The following TYW1 variants were observed in gnomAD, a reference collection of about 807,000 sequenced individuals.
TYW1 encodes the protein tRNA-yW synthesizing protein 1 homolog.
TYW1 carries 46 observed loss-of-function variants against 96.2 expected under a neutral mutation model. The observed-to-expected ratio is 0.48, with a 90% CI of 0.38 to 0.61. TYW1 has a LOEUF of 0.61. Ranked by LOEUF, TYW1 falls within the 20% of genes least tolerant of loss-of-function variation. The pLI is 0.00. For synonymous variants in TYW1, 274 were observed against 323.0 expected (o/e 0.85, Z 1.63); for missense variants, 684 against 909.6 (o/e 0.75, Z 3.19).
intron 13 of TYW1, among the ~76,000 whole-genome samples, chr7:67,164,311 T>TA (rs755638657): frequency 2.0e-4 from 30 of 152,122 alleles, no homozygotes; most frequent in Non-Finnish European, 3.5e-4. Flanking sequence ...CATTGTAACA[T>TA]AAAAATTACC....
chr7:67,111,195 G>A (rs1797395019), intron 12 of TYW1, among the ~76,000 whole-genome samples: 1 of 151,866 alleles, frequency 6.6e-6, no homozygotes, highest in Non-Finnish European at 1.5e-5. Flanking sequence ...CTACAGGAAA[G>A]CATTTTCTTA....
In TYW1 at chr7:66,998,879, T is replaced by C; in HGVS notation, c.198T>C (p.Tyr66=). ...CTCAGGATTTGATGACAAATGGTTATGTCTCCCTTCAAGAGAAAGACATCT... is the reference window on the plus strand; with the variant it reads ...CTCAGGATTTGATGACAAATGGTTACGTCTCCCTTCAAGAGAAAGACATCT... ...KAAQDLMTNG[Y]VSLQEKDIFV... is the part of the protein sequence containing the mutation. Residue 66 remains tyrosine, a synonymous_variant, in exon 3 of 16, where the codon TAT becomes TAC. Transcript: ENST00000359626. 3.7e-6 allele frequency: 6 copies of C among 1,614,180 alleles called. No homozygotes were observed. Among genetic ancestry groups the C allele is most frequent in the Non-Finnish European group, 5.1e-6 (6 of 1,180,030 alleles).
At chr7:67,125,814 T>C (rs1019104293) in intron 13 of TYW1, among the ~76,000 whole-genome samples, 1 of 152,242 alleles carries the variant, frequency 6.6e-6, no homozygotes, top group South Asian at 2.1e-4. Context: ...ATAGTTGGAA[T>C]CATACTGTAT....
At chr7:67,094,651 A>AGTGTGTGTGTGTGTGTGTGT (rs56069939) in intron 11 of TYW1, among the ~76,000 whole-genome samples, 2 of 141,598 alleles carry the variant, frequency 1.4e-5, no homozygotes, top group African/African-American at 2.6e-5. Flanking sequence ...AGAGAATTAG[A>AGTGTGTGTGTGTGTGTGTGT]GTGTGTGTGT....
chr7:67,043,945 C>T (rs1289038147), intron 7 of TYW1, among the ~76,000 whole-genome samples: 2 of 151,900 alleles, frequency 1.3e-5, no homozygotes, highest in East Asian at 1.9e-4. Context: ...CTTGGAGATT[C>T]ATTTATTAAA....
chr7:67,054,657 G>A (rs983031270), intron 8 of TYW1, among the ~76,000 whole-genome samples: 4 of 152,258 alleles, frequency 2.6e-5, no homozygotes, highest in African/African-American at 9.6e-5. Flanking sequence ...ACCAGCCACT[G>A]ATCCACTTAT....
intron 13 of TYW1, among the ~76,000 whole-genome samples, chr7:67,168,217 T>C (rs971863782): frequency 9.9e-5 from 15 of 151,928 alleles, no homozygotes; most frequent in Non-Finnish European, 1.8e-4. Context: ...GTGAATTGCA[T>C]TGATTTTCAA....
intron 7 of TYW1, among the ~76,000 whole-genome samples, chr7:67,044,735 T>C (rs1015128763): frequency 3.9e-5 from 6 of 152,048 alleles, no homozygotes; most frequent in Non-Finnish European, 8.8e-5. Flanking sequence ...TTCTCGTGCC[T>C]CAGCCTCCCC....
At chr7:67,012,052 C>A (rs1439660548) in intron 4 of TYW1, among the ~76,000 whole-genome samples, 1 of 151,570 alleles carries the variant, frequency 6.6e-6, no homozygotes, top group African/African-American at 2.4e-5. Flanking sequence ...CTAAAACTTT[C>A]TTTAAAAAAA....
intron 9 of TYW1, among the ~76,000 whole-genome samples, chr7:67,065,467 T>C (rs1312736066): frequency 6.6e-6 from 1 of 152,208 alleles, no homozygotes; most frequent in Non-Finnish European, 1.5e-5. Flanking sequence ...TTGTGGAAAT[T>C]ACTCTGTGAC....
chr7:67,132,389 C>G (rs1222823685), intron 13 of TYW1, among the ~76,000 whole-genome samples: 1 of 152,074 alleles, frequency 6.6e-6, no homozygotes, highest in Non-Finnish European at 1.5e-5. Flanking sequence ...GGATTACAGA[C>G]GTGATCTACT....
At chr7:67,043,996 T>G (rs1795106235) in intron 7 of TYW1, among the ~76,000 whole-genome samples, 1 of 152,134 alleles carries the variant, frequency 6.6e-6, no homozygotes, top group Non-Finnish European at 1.5e-5. Context: ...GCAGCAAAAG[T>G]TATTAAATAT....
chr7:67,187,345 TGAGCC>T (rs1800061882), intron 14 of TYW1, among the ~76,000 whole-genome samples: 1 of 152,100 alleles, frequency 6.6e-6, no homozygotes, highest in Non-Finnish European at 1.5e-5. Flanking sequence ...ATTACAGGCG[TGAGCC>T]ACCACGCCTG....
chr7:67,009,735 G>A (rs539483876), intron 4 of TYW1, 51 bp downstream of exon 4: 54 of 1,436,418 alleles, frequency 3.8e-5, no homozygotes, highest in East Asian at 4.6e-5. Flanking sequence ...TAACTGATCT[G>A]CAATCTTCAC....
intron 11 of TYW1, among the ~76,000 whole-genome samples, chr7:67,085,498 C>T (rs1219323659): frequency 1.3e-5 from 2 of 151,692 alleles, no homozygotes; most frequent in Non-Finnish European, 2.9e-5. Context: ...CCTGTGGCCT[C>T]CCCAGCCATG....
chr7:67,140,666 G>A (rs181484045), intron 13 of TYW1, among the ~76,000 whole-genome samples: 7 of 152,266 alleles, frequency 4.6e-5, no homozygotes, highest in Admixed American at 4.6e-4. Flanking sequence ...ACTATAAATT[G>A]CTTCAGCCTC....
chr7:67,139,969 A>T (rs565728529), intron 13 of TYW1, among the ~76,000 whole-genome samples: 34 of 152,236 alleles, frequency 2.2e-4, no homozygotes, highest in Admixed American at 1.8e-3. Flanking sequence ...AATTCACAAA[A>T]CAAAGAGGTT....
chr7:67,171,799 G>A (rs1045125799), intron 13 of TYW1, among the ~76,000 whole-genome samples: 1 of 151,932 alleles, frequency 6.6e-6, no homozygotes, highest in Non-Finnish European at 1.5e-5. Flanking sequence ...TATGGTCAGT[G>A]TTTGCATAGT....
chr7:67,210,789 T>TC (rs1424210650), intron 15 of TYW1, among the ~76,000 whole-genome samples: 10 of 149,272 alleles, frequency 6.7e-5, no homozygotes, highest in Admixed American at 2.7e-4. Context: ...CATCCGTCCA[T>TC]CATCTGTCTG....
Sources: gnomAD v4.1 joint callset for allele counts (sites outside exome capture counted in the v4.1 genomes callset) on GRCh38, gnomAD v4.1.1 for gene constraint, MANE v1.5 for transcripts, NCBI Gene and HGNC (gene_info 2026-07-23, HGNC 2026-07-21) for gene names.